Variants in NCK2 observed in about 807,000 individuals in gnomAD.
NCK2 encodes the protein NCK adaptor protein 2.
A neutral mutation model predicts 33.9 loss-of-function variants in NCK2; 16 were observed. The ratio of observed to expected loss-of-function variants is 0.47; its 90% CI spans 0.32 to 0.72. NCK2 has a LOEUF of 0.72. Ranked by LOEUF, NCK2 falls within the 30% of genes least tolerant of loss-of-function variation. The pLI, the probability that NCK2 is intolerant of heterozygous loss-of-function variation, is 0.03. For missense variants in NCK2, 418 were observed against 537.3 expected (o/e 0.78, Z 2.19); for synonymous variants, 273 against 239.9 (o/e 1.14, Z -1.27).
chr2:105,752,520 G>A (rs1573551571), intron 1 of NCK2, among the ~76,000 whole-genome samples: 1 of 152,154 alleles, frequency 6.6e-6, no homozygotes, highest in South Asian at 2.1e-4. Flanking sequence ...TTTAAAAAAT[G>A]TGTTCAGCAC....
intron 1 of NCK2, among the ~76,000 whole-genome samples, chr2:105,793,450 A>G (rs1558839667): frequency 6.6e-6 from 1 of 150,914 alleles, no homozygotes; most frequent in East Asian, 1.9e-4. Flanking sequence ...GGAACTTCTG[A>G]CCTCGGGCAT....
At chr2:105,783,512 G>A (rs1261813722) in intron 1 of NCK2, among the ~76,000 whole-genome samples, 2 of 152,176 alleles carry the variant, frequency 1.3e-5, no homozygotes, top group Non-Finnish European at 2.9e-5. Context: ...CTTGTGGGAA[G>A]CTTCGTACAC....
chr2:105,881,386 G>C lies in NCK2; in HGVS notation c.285G>C (p.Thr95=), dbSNP rs746174788. ...GGGATGCGTCCCCCACGCCCAGCAC[G>C]GACGCCGAGTACCCCGCCAATGGCA... is the stretch of plus-strand genomic sequence containing the variant. ...SARDASPTPS[T]DAEYPANGSG... Residue 95 remains threonine (T), a synonymous_variant, in exon 4 of 5, where the codon ACG becomes ACC. Transcript: ENST00000233154. 1 of 1,611,022 alleles carries C rather than the reference G, an allele frequency of 6.2e-7. No homozygotes were observed. Among genetic ancestry groups the C allele is most frequent in the Non-Finnish European group, 8.5e-7 (1 of 1,179,814 alleles).
chr2:105,826,372 G>A (rs1210198217), intron 2 of NCK2, among the ~76,000 whole-genome samples: 1 of 152,144 alleles, frequency 6.6e-6, no homozygotes, highest in African/African-American at 2.4e-5. Context: ...TTCAAGATAA[G>A]ATTTGGGTGG....
chr2:105,757,377 G>A (rs1022381666), intron 1 of NCK2, among the ~76,000 whole-genome samples: 2 of 152,048 alleles, frequency 1.3e-5, no homozygotes, highest in Non-Finnish European at 1.5e-5. Context: ...TTTCTTCAAA[G>A]TGGCATGGGA....
chr2:105,805,814 A>G (rs1046640662), intron 1 of NCK2, among the ~76,000 whole-genome samples: 2 of 152,318 alleles, frequency 1.3e-5, no homozygotes, highest in South Asian at 2.1e-4. Flanking sequence ...GTGTGTGTAT[A>G]TATATAGGGT....
chr2:105,888,655 G>A (rs1218614572), intron 4 of NCK2, among the ~76,000 whole-genome samples: 1 of 152,214 alleles, frequency 6.6e-6, no homozygotes, highest in Non-Finnish European at 1.5e-5. Flanking sequence ...GCTGCACTGA[G>A]CAACTCACTT....
At chr2:105,781,003 C>G (rs1337545922) in intron 1 of NCK2, among the ~76,000 whole-genome samples, 1 of 152,228 alleles carries the variant, frequency 6.6e-6, no homozygotes, top group Non-Finnish European at 1.5e-5. Context: ...TCTCTTTTCT[C>G]ATTGCCCGAA....
At chr2:105,811,565 C>T (rs572352855) in intron 1 of NCK2, among the ~76,000 whole-genome samples, 5 of 152,284 alleles carry the variant, frequency 3.3e-5, no homozygotes, top group African/African-American at 1.2e-4. Flanking sequence ...CTTTAAGGAG[C>T]ATCTGAGTCC....
At chr2:105,807,134 C>T (rs1675075492) in intron 1 of NCK2, among the ~76,000 whole-genome samples, 1 of 152,212 alleles carries the variant, frequency 6.6e-6, no homozygotes, top group Non-Finnish European at 1.5e-5. Flanking sequence ...TTGTAGCCTG[C>T]TCCCTGGAGG....
At position 105,757,789 on chromosome 2, in the gene NCK2, C is replaced by T. The variant is rs932054715; in HGVS notation, c.-201+12651C>T. Among the ~76,000 whole-genome samples the T allele has an allele frequency of 4.6e-5, 7 of 152,304 alleles. No homozygotes were observed. In the South Asian group the frequency reaches 1.2e-3, roughly 27 times the overall value. On this transcript the variant is annotated intron_variant, in intron 1 of 4. Transcript: ENST00000233154. ...CCCCTCTAACCTCTAACCCAACCCC[C>T]AAGGCCAGGCAGAATTCATTTGAAG...
intron 4 of NCK2, among the ~76,000 whole-genome samples, chr2:105,890,388 T>C (rs2104688033): frequency 1.3e-5 from 2 of 152,364 alleles, no homozygotes; most frequent in Admixed American, 1.3e-4. Flanking sequence ...CTAAAAATGA[T>C]GCCACATTAT....
At chr2:105,884,488 T>C (rs1452069772) in intron 4 of NCK2, among the ~76,000 whole-genome samples, 1 of 152,242 alleles carries the variant, frequency 6.6e-6, no homozygotes, top group South Asian at 2.1e-4. Flanking sequence ...GGGCCTTTAA[T>C]TGAGGTTATC....
At chr2:105,777,153 T>C (rs1039526744) in intron 1 of NCK2, among the ~76,000 whole-genome samples, 3 of 152,122 alleles carry the variant, frequency 2.0e-5, no homozygotes, top group Admixed American at 2.0e-4. Context: ...GCCCTGCGGC[T>C]GTCACTGGGC....
intron 1 of NCK2, among the ~76,000 whole-genome samples, chr2:105,777,249 T>G (rs1230675999): frequency 6.6e-6 from 1 of 152,160 alleles, no homozygotes; most frequent in African/African-American, 2.4e-5. Flanking sequence ...GCCGGGGTGT[T>G]GCGGGGGGGC....
At chr2:105,832,917 G>A (rs1294408468) in intron 2 of NCK2, among the ~76,000 whole-genome samples, 2 of 149,648 alleles carry the variant, frequency 1.3e-5, no homozygotes, top group African/African-American at 4.9e-5. Flanking sequence ...AGTTTGAAAA[G>A]AATTGGTGTT....
At chr2:105,878,527 G>A (rs537718382) in intron 3 of NCK2, among the ~76,000 whole-genome samples, 1 of 152,332 alleles carries the variant, frequency 6.6e-6, no homozygotes, top group Non-Finnish European at 1.5e-5. Flanking sequence ...GCAGGTCCAG[G>A]AGAGAGGCCT....
At chr2:105,891,362 G>A (rs1198558093) in intron 4 of NCK2, among the ~76,000 whole-genome samples, 1 of 151,136 alleles carries the variant, frequency 6.6e-6, no homozygotes, top group South Asian at 2.1e-4. Context: ...CAGAGCATAT[G>A]TCCTGCATGC....
In NCK2 at chr2:105,769,106, A is replaced by G. The variant is rs114041584; in HGVS notation, c.-201+23968A>G. 1.0e-3 allele frequency among the ~76,000 whole-genome samples: 159 copies of G among 152,306 alleles called. 2 individuals are homozygous for G. The highest frequency in any genetic ancestry group is 3.8e-3 in the African/African-American group (157 of 41,578). On this transcript the variant is annotated intron_variant, in intron 1 of 4. Transcript: ENST00000233154. ...CAACCCCACTGGTCACCTCATTAGCATAAGCTCAGGTGTGGTGCACTGGGG... is the reference window on the plus strand; with the variant it reads ...CAACCCCACTGGTCACCTCATTAGCGTAAGCTCAGGTGTGGTGCACTGGGG...
Sources: allele counts gnomAD v4.1 joint callset (sites outside exome capture counted in the v4.1 genomes callset), GRCh38; gene constraint gnomAD v4.1.1; transcripts MANE v1.5; gene names NCBI Gene and HGNC (gene_info 2026-07-23, HGNC 2026-07-21).